The following KDM4D variants were observed in gnomAD, a reference collection of about 807,000 sequenced individuals.
The protein encoded by KDM4D is lysine demethylase 4D, also known as lysine-specific demethylase 4D.
For missense variants in KDM4D, 427 were observed against 674.8 expected (o/e 0.63, Z 4.07); for synonymous variants, 254 against 249.1 (o/e 1.02, Z -0.19).
At chr11:94,989,236 A>G (rs1555098388) in intron 2 of KDM4D, among the ~76,000 whole-genome samples, 2 of 152,222 alleles carry the variant, frequency 1.3e-5, no homozygotes, top group East Asian at 3.8e-4. Context: ...AGTTTACAGA[A>G]TCTCTGGGAG....
intron 2 of KDM4D, among the ~76,000 whole-genome samples, chr11:94,983,811 C>G (rs782564799): frequency 5.3e-5 from 8 of 152,084 alleles, no homozygotes; most frequent in Non-Finnish European, 8.8e-5. Flanking sequence ...TTGACATTAT[C>G]AAATGCACCT....
chr11:94,985,613 A>G (rs1401934175), intron 2 of KDM4D, among the ~76,000 whole-genome samples: 1 of 152,244 alleles, frequency 6.6e-6, no homozygotes, highest in Non-Finnish European at 1.5e-5. Context: ...TAAAGGAACC[A>G]GTATAGCCAA....
At position 94,998,798 on chromosome 11, in the gene KDM4D, T is replaced by G; in HGVS notation, c.1426T>G (p.Leu476Val). The G allele has an allele frequency of 6.2e-7, 1 of 1,606,400 alleles. No homozygotes were observed. ...CCAGACTCCAGCCAAGAGGCCCCTC[T>G]TGGCGGGCACAACATGCACAGCTTC... is the stretch of plus-strand genomic sequence containing the variant. ...TLQTPAKRPL[L>V]AGTTCTASGP... The change falls in exon 3 of 3, where the codon TTG (leucine) becomes GTG (valine). Residue 476 changes from leucine (L) to valine (V), a missense_variant. Physicochemically the swap from Leu to Val is conservative, Grantham distance 32. Transcript: ENST00000335080. This position sits in a 1 kb window ranked among gnomAD's most constrained non-coding sequence, Gnocchi z 6.7.
At chr11:94,991,803 A>G (rs1269217662) in intron 2 of KDM4D, among the ~76,000 whole-genome samples, 1 of 137,718 alleles carries the variant, frequency 7.3e-6, no homozygotes, top group African/African-American at 3.0e-5. Flanking sequence ...AGAAAGAACT[A>G]AAAAAAAAAA....
At chr11:94,987,063 T>G (rs1857894075) in intron 2 of KDM4D, among the ~76,000 whole-genome samples, 1 of 152,186 alleles carries the variant, frequency 6.6e-6, no homozygotes, top group Admixed American at 6.5e-5. Flanking sequence ...ACACAAAATA[T>G]TACCTATTTT....
At chr11:94,980,994 T>A (rs1857837817) in intron 2 of KDM4D, among the ~76,000 whole-genome samples, 1 of 152,148 alleles carries the variant, frequency 6.6e-6, no homozygotes. Context: ...TTTCCTGATC[T>A]GCAAGGGAAA....
intron 2 of KDM4D, among the ~76,000 whole-genome samples, chr11:94,996,536 C>T (rs1230613777): frequency 1.3e-5 from 2 of 152,282 alleles, no homozygotes; most frequent in African/African-American, 4.8e-5. Flanking sequence ...TAATGTTACT[C>T]AATATTGATC....
chr11:94,977,298 G>A (rs1390407574), intron 2 of KDM4D, among the ~76,000 whole-genome samples: 4 of 149,540 alleles, frequency 2.7e-5, no homozygotes, highest in East Asian at 3.8e-4. Context: ...GTCAGACAGC[G>A]GGGGGCATTG....
chr11:94,980,286 C>T (rs1211373513), intron 2 of KDM4D, among the ~76,000 whole-genome samples: 1 of 152,108 alleles, frequency 6.6e-6, no homozygotes, highest in Admixed American at 6.5e-5. Context: ...ACATGAAATT[C>T]ATTTTTGTGC....
chr11:94,982,059 TTTA>T (rs1419020386), intron 2 of KDM4D, among the ~76,000 whole-genome samples: 6 of 151,846 alleles, frequency 4.0e-5, no homozygotes, highest in Middle Eastern at 3.4e-3. Flanking sequence ...ATTTCCATTT[TTTA>T]TTTTCTCATT....
In KDM4D at chr11:94,997,484, A is replaced by C. The variant is rs1857985019; in HGVS notation, c.112A>C (p.Met38Leu). The change falls in exon 3 of 3, where the codon ATG becomes CTG. Residue 38 changes from methionine to leucine, a missense_variant. Transcript: ENST00000335080. ...TGATTTTGATAAATATATTGCTTAC[A>C]TGGAATCCCAAGGTGCACACAGAGC... is the stretch of plus-strand genomic sequence containing the variant. The part of the protein sequence containing the change: ...FNDFDKYIAY[M>L]ESQGAHRAGL... The C allele has an allele frequency of 6.2e-7, 1 of 1,614,096 alleles. No homozygotes were observed. The highest frequency in any genetic ancestry group is 8.5e-7 in the Non-Finnish European group (1 of 1,180,030).
chr11:94,974,089 T>C (rs1555096693), intron 1 of KDM4D, 21 bp downstream of exon 1: 1 of 152,240 alleles, frequency 6.6e-6, no homozygotes, highest in African/African-American at 2.4e-5. Context: ...TGCAAAAATA[T>C]TAACACTTCA....
intron 2 of KDM4D, among the ~76,000 whole-genome samples, chr11:94,989,264 A>G (rs1857913557): frequency 6.6e-6 from 1 of 152,168 alleles, no homozygotes; most frequent in South Asian, 2.1e-4. Context: ...GTAAGTCCAA[A>G]CTTACATGCT....
chr11:94,978,957 CATG>C (rs1857821080), intron 2 of KDM4D, among the ~76,000 whole-genome samples: 1 of 152,044 alleles, frequency 6.6e-6, no homozygotes, highest in African/African-American at 2.4e-5. Context: ...AATCTAAAAT[CATG>C]GTGGGAATTT....
chr11:94,991,908 C>T (rs1378379406), intron 2 of KDM4D, among the ~76,000 whole-genome samples: 4 of 151,152 alleles, frequency 2.6e-5, no homozygotes, highest in African/African-American at 4.9e-5. Context: ...GAGAGACAAA[C>T]AACCTAAAAT....
chr11:94,974,627 G>A (rs1857779955), intron 1 of KDM4D, among the ~76,000 whole-genome samples: 1 of 152,140 alleles, frequency 6.6e-6, no homozygotes. Flanking sequence ...CCCTCCTCCA[G>A]TCTTAACAAG....
chr11:94,980,448 G>C (rs944448096), intron 2 of KDM4D, among the ~76,000 whole-genome samples: 1 of 151,958 alleles, frequency 6.6e-6, no homozygotes, highest in African/African-American at 2.4e-5. Context: ...AATACTTTTG[G>C]AATTTTAATT....
At chr11:94,976,422 C>T (rs12802302) in intron 2 of KDM4D, among the ~76,000 whole-genome samples, 5,421 of 152,096 alleles carry the variant, frequency 0.036, 137 homozygotes, top group Non-Finnish European at 0.052. Context: ...TCCTTTTTTC[C>T]GCAGATCTAT....
At chr11:94,989,017 G>T (rs1555098369) in intron 2 of KDM4D, among the ~76,000 whole-genome samples, 1 of 152,158 alleles carries the variant, frequency 6.6e-6, no homozygotes, top group African/African-American at 2.4e-5. Context: ...AAAGAAATCT[G>T]ATTCAGTACC....
Sources: gnomAD v4.1 joint callset for allele counts (sites outside exome capture counted in the v4.1 genomes callset) on GRCh38, gnomAD v4.1.1 for gene constraint, Gnocchi (gnomAD v3.1) non-coding constraint, MANE v1.5 for transcripts, NCBI Gene and HGNC (gene_info 2026-07-23, HGNC 2026-07-21) for gene names.